The following EEFSEC variants were observed in gnomAD, a reference collection of about 807,000 sequenced individuals.
EEFSEC encodes the protein selenocysteine-specific elongation factor.
Under a neutral mutation model 42.1 loss-of-function variants are expected in EEFSEC, and 43 were observed. The observed-to-expected ratio is 1.02, with a 90% CI of 0.80 to 1.32. The LOEUF is 1.32. Among genes scored for constraint, EEFSEC ranks in the 40% most tolerant of loss-of-function variants. The probability of loss-of-function intolerance (pLI) is 0.00; values close to 1 mark genes in which losing one functional copy is unlikely to be tolerated. For synonymous variants in EEFSEC, 354 were observed against 339.1 expected (o/e 1.04, Z -0.48); for missense variants, 745 against 803.6 (o/e 0.93, Z 0.88).
At chr3:128,195,454 G>A (rs951843425) in intron 1 of EEFSEC, among the ~76,000 whole-genome samples, 5 of 152,136 alleles carry the variant, frequency 3.3e-5, no homozygotes, top group Non-Finnish European at 7.4e-5. Context: ...GCCTGTGTCT[G>A]CAGCTGAGCA....
chr3:128,374,537 G>A lies in EEFSEC; in HGVS notation c.1600+16164G>A, dbSNP rs371494142. Among the ~76,000 whole-genome samples, 10 of 152,244 alleles carry A rather than the reference G, an allele frequency of 6.6e-5. No homozygotes were observed. The South Asian group carries it at 2.1e-3, about 32-fold the overall frequency. On this transcript the variant is annotated intron_variant, in intron 6 of 6. Transcript: ENST00000254730. ...TGGGTGAGTGGGGGAGACCTAGGGG[G>A]CTTTCTACTGGGGACCCCATTCCAG...
chr3:128,189,573 T>C (rs2065500319), intron 1 of EEFSEC, among the ~76,000 whole-genome samples: 1 of 151,780 alleles, frequency 6.6e-6, no homozygotes, highest in South Asian at 2.1e-4. Context: ...TTTTTTTTTT[T>C]TTCCGAGCCA....
chr3:128,285,889 C>T (rs1444954628), intron 4 of EEFSEC, among the ~76,000 whole-genome samples: 2 of 152,192 alleles, frequency 1.3e-5, no homozygotes, highest in Admixed American at 6.5e-5. Context: ...TTCTTTAAAA[C>T]ATTTTCAAAT....
intron 4 of EEFSEC, among the ~76,000 whole-genome samples, chr3:128,336,715 A>G (rs1170811071): frequency 1.3e-5 from 2 of 152,166 alleles, no homozygotes; most frequent in Non-Finnish European, 2.9e-5. Context: ...CCCACAATGA[A>G]TTAGGTCTCC....
At chr3:128,414,529 C>T in the EEFSEC span, among the ~76,000 whole-genome samples, 3 of 152,208 alleles carry the variant, frequency 2.0e-5, no homozygotes, top group Non-Finnish European at 2.9e-5. Flanking sequence ...GCTACAGAGG[C>T]CAAGTTCCTG....
intron 6 of EEFSEC, among the ~76,000 whole-genome samples, chr3:128,407,700 T>C (rs1576712874): frequency 6.6e-6 from 1 of 152,100 alleles, no homozygotes; most frequent in South Asian, 2.1e-4. Flanking sequence ...GGTGGAGAAG[T>C]GGAGAATGGG....
At chr3:128,175,134 C>T (rs9822624) in intron 1 of EEFSEC, among the ~76,000 whole-genome samples, 3,634 of 151,548 alleles carry the variant, frequency 0.024, 146 homozygotes, top group African/African-American at 0.082. Flanking sequence ...TCTCTTCCCA[C>T]GCCTCCCCCC....
chr3:128,162,078 G>A (rs182892371), intron 1 of EEFSEC, among the ~76,000 whole-genome samples: 4 of 152,314 alleles, frequency 2.6e-5, no homozygotes, highest in Admixed American at 2.6e-4. Flanking sequence ...AATTATGTAT[G>A]TTTGTCCTAA....
At chr3:128,378,874 G>C (rs912741751) in intron 6 of EEFSEC, among the ~76,000 whole-genome samples, 2 of 152,212 alleles carry the variant, frequency 1.3e-5, no homozygotes, top group African/African-American at 2.4e-5. Flanking sequence ...CCTGAGGTGA[G>C]GGCAAACTCT....
intron 1 of EEFSEC, among the ~76,000 whole-genome samples, chr3:128,217,001 T>C (rs2065817511): frequency 6.6e-6 from 1 of 152,224 alleles, no homozygotes. Context: ...AGTATTATAG[T>C]AGATAATAAT....
chr3:128,214,425 CT>C (rs1026282898), intron 1 of EEFSEC, among the ~76,000 whole-genome samples: 1 of 152,122 alleles, frequency 6.6e-6, no homozygotes, highest in African/African-American at 2.4e-5. Flanking sequence ...TCCTTGCTGA[CT>C]TTTCATTTCT....
chr3:128,296,014 A>C (rs113352375), intron 4 of EEFSEC, among the ~76,000 whole-genome samples: 31 of 152,292 alleles, frequency 2.0e-4, no homozygotes, highest in African/African-American at 6.5e-4. Flanking sequence ...GAGAAAGCAC[A>C]TGTTACCATG....
rs575669848 is a variant in EEFSEC, at chr3:128,364,389, G to C, written c.1600+6016G>C. 5.3e-5 allele frequency among the ~76,000 whole-genome samples: 8 copies of C among 152,300 alleles called. No homozygotes were observed. In the South Asian group the frequency reaches 1.5e-3, roughly 28 times the overall value. Reference sequence around the variant, plus strand: ...GAGGGCCAGAGCAAGCTTCCTGGAGGAGTAGCCTTCTGAGCAGAAGGGCGA... The same window carrying C: ...GAGGGCCAGAGCAAGCTTCCTGGAGCAGTAGCCTTCTGAGCAGAAGGGCGA... On this transcript the variant is annotated intron_variant, in intron 6 of 6. Coordinates refer to ENST00000254730, the MANE Select transcript of EEFSEC (RefSeq NM_021937.5).
At chr3:128,292,654 A>C (rs1042875568) in intron 4 of EEFSEC, among the ~76,000 whole-genome samples, 2 of 151,678 alleles carry the variant, frequency 1.3e-5, no homozygotes, top group Non-Finnish European at 2.9e-5. Context: ...TGATATCTTC[A>C]TTTTATTTCT....
At chr3:128,189,377 A>G (rs2065497943) in intron 1 of EEFSEC, among the ~76,000 whole-genome samples, 1 of 152,208 alleles carries the variant, frequency 6.6e-6, no homozygotes, top group Admixed American at 6.5e-5. Flanking sequence ...TAGCTGTGGT[A>G]ACATCATAGA....
rs1258717031 is a variant in EEFSEC at position 128,408,583 on chromosome 3, C to G, written c.*324C>G. The G allele has an allele frequency of 3.7e-6, 1 of 269,322 alleles. No homozygotes were observed. Among genetic ancestry groups the G allele is most frequent in the Non-Finnish European group, 7.0e-6 (1 of 143,482 alleles). The allele number at this position is 269,322 out of a possible 1,614,324, so 16.7% of individuals were successfully genotyped here. A position where few individuals can be genotyped will look rare whatever the true frequency, so the allele number is the denominator to read the frequency against. On this transcript the variant is annotated 3_prime_UTR_variant, in exon 7 of 7. Coordinates refer to ENST00000254730, the MANE Select transcript of EEFSEC (RefSeq NM_021937.5). Reference sequence around the variant, plus strand: ...GGCCACCTGCAGGCCAGTCTCAACCCTCCCCCAGGTGGGCAGGCACTTGAT... The same window carrying G: ...GGCCACCTGCAGGCCAGTCTCAACCGTCCCCCAGGTGGGCAGGCACTTGAT...
intron 1 of EEFSEC, among the ~76,000 whole-genome samples, chr3:128,200,531 G>T (rs2065633442): frequency 6.6e-6 from 1 of 151,400 alleles, no homozygotes; most frequent in African/African-American, 2.4e-5. Context: ...CAGGTGATCC[G>T]CCCACCTCGG....
intron 5 of EEFSEC, among the ~76,000 whole-genome samples, chr3:128,354,102 A>C (rs1194674997): frequency 6.6e-6 from 1 of 152,122 alleles, no homozygotes; most frequent in Non-Finnish European, 1.5e-5. Flanking sequence ...GTGAAATGAC[A>C]GTGTGGGGCC....
the EEFSEC span, among the ~76,000 whole-genome samples, chr3:128,422,628 A>C: frequency 6.6e-6 from 1 of 152,190 alleles, no homozygotes; most frequent in Non-Finnish European, 1.5e-5. Context: ...CCATTAGTTT[A>C]TTGATCCCCT....
Sources: gnomAD v4.1 joint callset for allele counts (sites outside exome capture counted in the v4.1 genomes callset) on GRCh38, gnomAD v4.1.1 for gene constraint, MANE v1.5 for transcripts, NCBI Gene and HGNC (gene_info 2026-07-23, HGNC 2026-07-21) for gene names.